The following TSPAN9 variants were observed in gnomAD, a reference collection of about 807,000 sequenced individuals.
The protein encoded by TSPAN9 is tetraspanin 9, also known as tetraspanin-9.
TSPAN9 carries 16 observed loss-of-function variants against 31.0 expected under a neutral mutation model. That is an observed-to-expected ratio of 0.52 (90% CI 0.35 to 0.78). TSPAN9 has a LOEUF of 0.78. Among genes scored for constraint, TSPAN9 ranks in the 30% least tolerant of loss-of-function variants. The probability of loss-of-function intolerance (pLI) is 0.01; values close to 1 mark genes in which losing one functional copy is unlikely to be tolerated. For missense variants in TSPAN9, 272 were observed against 312.5 expected, an observed-to-expected ratio of 0.87 and a Z score of 0.98; for synonymous variants, 145 against 121.6, an observed-to-expected ratio of 1.19 and a Z score of -1.27.
chr12:3,281,988 T>C (rs764655837), intron 8 of TSPAN9, 171 bp downstream of exon 8: 94 of 781,792 alleles, frequency 1.2e-4, no homozygotes, highest in Middle Eastern at 2.3e-4. Flanking sequence ...AGCTCTGATA[T>C]GAGAGCACGT....
In TSPAN9 at chr12:3,226,742, GTGTATATATATATATATATA is replaced by G. The variant is rs2098387710; in HGVS notation, c.63+25488_63+25507del. On this transcript the variant is annotated intron_variant, in intron 3 of 8. Transcript: ENST00000011898. ...TATGTGTGTGTGTGTGTGTGTGTGT[GTGTATATATATATATATATA>G]TATATATATATATATATATATATAT... Among the ~76,000 whole-genome samples, 20 of 3,300 alleles carry G rather than the reference GTGTATATATATATATATATA, an allele frequency of 6.1e-3. 1 individual carries two copies. The highest frequency in any genetic ancestry group is 0.01 in the Non-Finnish European group (15 of 1,432). 2.2% of individuals were successfully genotyped at this position (3,300 alleles called of 152,430 possible).
chr12:3,277,172 T>C (rs1862804671), intron 3 of TSPAN9, among the ~76,000 whole-genome samples: 1 of 152,226 alleles, frequency 6.6e-6, no homozygotes. Context: ...TCACTCTGCA[T>C]ACGAGAGGTT....
intron 3 of TSPAN9, among the ~76,000 whole-genome samples, chr12:3,257,958 C>T (rs1279579911): frequency 1.3e-5 from 2 of 152,146 alleles, no homozygotes; most frequent in Non-Finnish European, 2.9e-5. Flanking sequence ...TGAGCAAAGC[C>T]ATGTTTATGG....
intron 2 of TSPAN9, among the ~76,000 whole-genome samples, chr12:3,099,839 T>TA (rs2098310960): frequency 7.2e-6 from 1 of 139,334 alleles, no homozygotes; most frequent in Non-Finnish European, 1.6e-5. Flanking sequence ...GTCTGTCCAC[T>TA]CTTTTTTTTT....
chr12:3,147,834 G>A lies in TSPAN9; in HGVS notation c.-17-53343G>A, dbSNP rs182845059. Among the ~76,000 whole-genome samples the A allele has an allele frequency of 6.6e-5, 10 of 152,308 alleles. No individual in the cohort carries two copies. In the East Asian group the frequency reaches 1.9e-3, roughly 29 times the overall value. On this transcript the variant is annotated intron_variant, in intron 2 of 8. Coordinates refer to ENST00000011898, the MANE Select transcript of TSPAN9 (RefSeq NM_006675.5). This position sits in a 1 kb window ranked among gnomAD's most constrained non-coding sequence, Gnocchi z 4.3. ...ACTGGTGGGTGCCCTTTGGTGAGAG[G>A]TGCGTTGTGAGTGCCTTGTTCTTAG...
rs751375191 is a variant in TSPAN9 at position 3,206,331 on chromosome 12, G to C, written c.63+5075G>C. 4.8e-5 allele frequency: 22 copies of C among 455,990 alleles called. No homozygotes were observed. The Middle Eastern group carries it at 9.7e-4, about 20-fold the overall frequency. The allele number at this position is 455,990 out of a possible 1,614,324, so 28.2% of individuals were successfully genotyped here. ...GACTGGGCTCGCAGAGGGCGGATCA[G>C]TTTTCTCGTGCCAGGAAGTCGTGGA... On this transcript the variant is annotated intron_variant, in intron 3 of 8. Coordinates refer to ENST00000011898, the MANE Select transcript of TSPAN9 (RefSeq NM_006675.5).
At chr12:3,279,142 T>G in intron 5 of TSPAN9, 76 bp downstream of exon 5, 1 of 1,329,318 alleles carries the variant, frequency 7.5e-7, no homozygotes, top group Non-Finnish European at 1.1e-6. Context: ...CCAGGGTCCC[T>G]TCCCTGGCCA....
At chr12:3,093,476 G>A (rs2098305996) in intron 2 of TSPAN9, among the ~76,000 whole-genome samples, 1 of 152,174 alleles carries the variant, frequency 6.6e-6, no homozygotes, top group African/African-American at 2.4e-5. Context: ...GGCATCAGCT[G>A]CAGTTCCTGA....
intron 3 of TSPAN9, among the ~76,000 whole-genome samples, chr12:3,231,159 C>T (rs1194829978): frequency 1.4e-5 from 2 of 147,628 alleles, no homozygotes; most frequent in South Asian, 2.1e-4. Context: ...TTCTTTCTAC[C>T]CTGTGGAGTC....
At chr12:3,248,748 G>A (rs1164966990) in intron 3 of TSPAN9, among the ~76,000 whole-genome samples, 3 of 152,108 alleles carry the variant, frequency 2.0e-5, no homozygotes, top group African/African-American at 7.2e-5. Context: ...ACAGTGTGTG[G>A]CTGAGCCCAG....
intron 3 of TSPAN9, among the ~76,000 whole-genome samples, chr12:3,252,245 C>A (rs1392567035): frequency 1.3e-5 from 2 of 152,204 alleles, no homozygotes; most frequent in Non-Finnish European, 2.9e-5. Flanking sequence ...TTTCCACACT[C>A]CCTGGTGCTG....
intron 2 of TSPAN9, among the ~76,000 whole-genome samples, chr12:3,157,334 C>G (rs961965936): frequency 3.9e-5 from 6 of 152,112 alleles, no homozygotes; most frequent in Admixed American, 1.3e-4. Context: ...ATCTCCTGAC[C>G]GCATGATCCC....
intron 2 of TSPAN9, among the ~76,000 whole-genome samples, chr12:3,174,796 A>G (rs552536828): frequency 1.1e-3 from 172 of 149,582 alleles, no homozygotes; most frequent in African/African-American, 3.9e-3. Flanking sequence ...GTTAGCCAGG[A>G]TGGTCTCGAT....
At chr12:3,231,847 A>G (rs2098390937) in intron 3 of TSPAN9, among the ~76,000 whole-genome samples, 1 of 152,218 alleles carries the variant, frequency 6.6e-6, no homozygotes, top group African/African-American at 2.4e-5. Context: ...ATGCCCAGCC[A>G]GCAGAGCTGG....
intron 2 of TSPAN9, among the ~76,000 whole-genome samples, chr12:3,105,588 C>G (rs2098313920): frequency 6.6e-6 from 1 of 151,892 alleles, no homozygotes; most frequent in African/African-American, 2.4e-5. Flanking sequence ...ACAGGGGCTT[C>G]TGGATTTGGG....
chr12:3,258,606 T>C (rs1021474565), intron 3 of TSPAN9, among the ~76,000 whole-genome samples: 1 of 140,952 alleles, frequency 7.1e-6, no homozygotes, highest in African/African-American at 3.0e-5. Context: ...CCATTTCTTA[T>C]CTTCCCTCCT....
chr12:3,242,058 C>T (rs896432090), intron 3 of TSPAN9, among the ~76,000 whole-genome samples: 22 of 152,234 alleles, frequency 1.4e-4, no homozygotes, highest in African/African-American at 3.4e-4. Context: ...TCTTGCTCCC[C>T]GCCCACCCTG....
intron 3 of TSPAN9, among the ~76,000 whole-genome samples, chr12:3,273,703 T>TCCCTCTCCTGCTCCTGCCGCA (rs1205000584): frequency 6.6e-6 from 1 of 152,084 alleles, no homozygotes; most frequent in African/African-American, 2.4e-5. Flanking sequence ...GCCCTGCACC[T>TCCCTCTCCTGCTCCTGCCGCA]CCCTCTCCTG....
At chr12:3,234,125 A>G (rs1459653091) in intron 3 of TSPAN9, among the ~76,000 whole-genome samples, 1 of 152,220 alleles carries the variant, frequency 6.6e-6, no homozygotes, top group Non-Finnish European at 1.5e-5. Context: ...AGTGCCTATA[A>G]AAAAGATGAA....
Sources: allele counts gnomAD v4.1 joint callset (sites outside exome capture counted in the v4.1 genomes callset), GRCh38; gene constraint gnomAD v4.1.1; non-coding constraint Gnocchi (gnomAD v3.1); transcripts MANE v1.5; gene names NCBI Gene and HGNC (gene_info 2026-07-23, HGNC 2026-07-21).